Variants in METTL24 observed in about 807,000 individuals in gnomAD.
METTL24 encodes probable methyltransferase-like protein 24.
In METTL24, 29 loss-of-function variants were observed where a neutral mutation model predicts 32.7. The observed-to-expected ratio is 0.89, with a 90% confidence interval of 0.66 to 1.21. The LOEUF is 1.21. Ranked by LOEUF, METTL24 falls within the 50% of genes most tolerant of loss-of-function variation. The probability of loss-of-function intolerance (pLI) is 0.00; values close to 1 mark genes in which losing one functional copy is unlikely to be tolerated. For missense variants in METTL24, 439 were observed against 468.1 expected (o/e 0.94, Z 0.57); for synonymous variants, 163 against 179.5 (o/e 0.91, Z 0.73).
intron 4 of METTL24, among the ~76,000 whole-genome samples, chr6:110,267,247 C>T (rs1156856606): frequency 6.6e-6 from 1 of 152,100 alleles, no homozygotes; most frequent in Non-Finnish European, 1.5e-5. Context: ...AAACTATAAA[C>T]AGATGTATGG....
At chr6:110,250,111 C>G (rs1042212702) in intron 4 of METTL24, among the ~76,000 whole-genome samples, 1 of 151,866 alleles carries the variant, frequency 6.6e-6, no homozygotes, top group Admixed American at 6.6e-5. Context: ...GAGGAAGAGG[C>G]ATGGGTGCTT....
intron 1 of METTL24, among the ~76,000 whole-genome samples, chr6:110,340,728 A>C (rs2114770921): frequency 6.6e-6 from 1 of 152,328 alleles, no homozygotes; most frequent in African/African-American, 2.4e-5. Context: ...TGTTCTGAAC[A>C]CCGTTCAAGT....
intron 1 of METTL24, among the ~76,000 whole-genome samples, chr6:110,343,493 A>C (rs1332401487): frequency 5.3e-5 from 8 of 152,254 alleles, no homozygotes; most frequent in Admixed American, 3.9e-4. Context: ...CACTGCAGCC[A>C]ATTCTGCCTT....
chr6:110,249,256 C>T (rs1778228537), intron 4 of METTL24, among the ~76,000 whole-genome samples: 1 of 151,970 alleles, frequency 6.6e-6, no homozygotes, highest in Non-Finnish European at 1.5e-5. Context: ...TAGGCTAAAT[C>T]ATAGTAAACA....
At chr6:110,299,463 A>G (rs1771482772) in intron 3 of METTL24, among the ~76,000 whole-genome samples, 1 of 152,166 alleles carries the variant, frequency 6.6e-6, no homozygotes, top group South Asian at 2.1e-4. Context: ...AAAGAAGACT[A>G]TCCAGTAGTC....
intron 1 of METTL24, among the ~76,000 whole-genome samples, chr6:110,326,252 T>A (rs1347329670): frequency 6.6e-6 from 1 of 152,198 alleles, no homozygotes; most frequent in Non-Finnish European, 1.5e-5. Flanking sequence ...AGACAGGCCT[T>A]GCTGGGGTTC....
chr6:110,293,359 G>C (rs963894252), intron 4 of METTL24, among the ~76,000 whole-genome samples: 6 of 151,780 alleles, frequency 4.0e-5, no homozygotes, highest in Non-Finnish European at 8.8e-5. Flanking sequence ...AATAAACTTT[G>C]CTTCCTTTTT....
chr6:110,356,338 T>C (rs1195407892), intron 1 of METTL24, among the ~76,000 whole-genome samples: 1 of 151,682 alleles, frequency 6.6e-6, no homozygotes, highest in Non-Finnish European at 1.5e-5. Context: ...AGCTACTCGG[T>C]AGGCTGAGCC....
Position 110,358,259 on chromosome 6 carries a change from C to A in METTL24, c.14G>T (p.Arg5Met). The A allele has an allele frequency of 6.8e-7, 1 of 1,478,380 alleles. No individual in the cohort carries two copies. The highest frequency in any genetic ancestry group is 2.3e-5 in the Admixed American group (1 of 44,198). The allele number at this position is 1,478,380 out of a possible 1,614,324, so 91.6% of individuals were successfully genotyped here. A position where few individuals can be genotyped will look rare whatever the true frequency, so the allele number is the denominator to read the frequency against. MARE[R>M]PPGRGCGVLR... ...GACGCCGCAGCCCCTCCCGGGCGGC[C>A]TCTCCCGGGCCATGGCGCTACACTC... The change falls in exon 1 of 5, where the codon AGG becomes ATG. Residue 5 changes from arginine to methionine, a missense_variant. Physicochemically the swap from Arg to Met is moderately conservative, Grantham distance 91. Transcript: ENST00000338882.
chr6:110,337,837 A>G (rs908608234), intron 1 of METTL24, among the ~76,000 whole-genome samples: 13 of 152,256 alleles, frequency 8.5e-5, no homozygotes, highest in African/African-American at 2.4e-4. Flanking sequence ...TGTGCAAAAT[A>G]GACCATGCAA....
At chr6:110,259,037 G>A (rs1361877728) in intron 4 of METTL24, among the ~76,000 whole-genome samples, 1 of 152,154 alleles carries the variant, frequency 6.6e-6, no homozygotes, top group Admixed American at 6.5e-5. Flanking sequence ...CTCCCAGAGT[G>A]AGCGATGCAG....
rs185353077 is a variant in METTL24 at position 110,311,530 on chromosome 6, G to C, written c.557+3812C>G. Among the ~76,000 whole-genome samples the C allele has an allele frequency of 1.8e-3, 239 of 135,954 alleles. 1 individual carries two copies. The highest frequency in any genetic ancestry group is 1.8e-3 in the Non-Finnish European group (120 of 65,914). The allele number at this position is 135,954 out of a possible 152,430, so 89.2% of individuals were successfully genotyped here. On this transcript the variant is annotated intron_variant, in intron 3 of 4. Coordinates refer to ENST00000338882, the MANE Select transcript of METTL24 (RefSeq NM_001123364.3). ...GCTCTGTCACCCAGGCTGGAGTGCAGTGGCACAATCTCAGCTCACTGCAAC... is the reference window on the plus strand; with the variant it reads ...GCTCTGTCACCCAGGCTGGAGTGCACTGGCACAATCTCAGCTCACTGCAAC...
intron 4 of METTL24, among the ~76,000 whole-genome samples, chr6:110,269,360 C>T (rs149395754): frequency 2.6e-5 from 4 of 152,184 alleles, no homozygotes; most frequent in African/African-American, 9.6e-5. Context: ...TTTAAAAGGG[C>T]GTCATTTTTT....
chr6:110,257,042 C>G (rs1163949226), intron 4 of METTL24, among the ~76,000 whole-genome samples: 1 of 152,182 alleles, frequency 6.6e-6, no homozygotes, highest in Non-Finnish European at 1.5e-5. Context: ...TTTTCTAAAA[C>G]TCTTATCACC....
chr6:110,297,757 AC>A (rs1771446317), intron 4 of METTL24, among the ~76,000 whole-genome samples: 1 of 152,222 alleles, frequency 6.6e-6, no homozygotes, highest in African/African-American at 2.4e-5. Flanking sequence ...CTGAGATTTT[AC>A]CCAAAAATCC....
intron 4 of METTL24, among the ~76,000 whole-genome samples, chr6:110,289,668 C>T (rs896202080): frequency 4.0e-5 from 6 of 151,776 alleles, no homozygotes; most frequent in Non-Finnish European, 8.8e-5. Flanking sequence ...AAAAAGAACT[C>T]CAAAAGTAGA....
At chr6:110,315,632 G>A (rs1771806276) in intron 2 of METTL24, 151 bp from the exon 3 acceptor site, 2 of 741,354 alleles carry the variant, frequency 2.7e-6, no homozygotes, top group South Asian at 3.6e-5. Flanking sequence ...GGAACCACAA[G>A]ACTGCTATAA....
At chr6:110,310,967 G>A (rs145221501) in intron 3 of METTL24, among the ~76,000 whole-genome samples, 5 of 152,278 alleles carry the variant, frequency 3.3e-5, no homozygotes, top group Admixed American at 6.5e-5. Flanking sequence ...CAGTGGCATG[G>A]TCTTGTTGCT....
chr6:110,260,826 A>G (rs1770703881), intron 4 of METTL24, among the ~76,000 whole-genome samples: 4 of 152,192 alleles, frequency 2.6e-5, no homozygotes, highest in South Asian at 4.1e-4. Flanking sequence ...ATTCTTAAAG[A>G]AAAGAATTTT....
Sources: gnomAD v4.1 joint callset for allele counts (sites outside exome capture counted in the v4.1 genomes callset) on GRCh38, gnomAD v4.1.1 for gene constraint, MANE v1.5 for transcripts, NCBI Gene and HGNC (gene_info 2026-07-23, HGNC 2026-07-21) for gene names.